The following ZBTB20 variants were observed in gnomAD, a reference collection of about 807,000 sequenced individuals.
The protein encoded by ZBTB20 is zinc finger and BTB domain-containing protein 20.
ZBTB20 carries 9 observed loss-of-function variants against 56.9 expected under a neutral mutation model. The ratio of observed to expected loss-of-function variants is 0.16; its 90% CI spans 0.10 to 0.28. The LOEUF is 0.28. Among genes scored for constraint, ZBTB20 ranks in the 10% least tolerant of loss-of-function variants. ZBTB20 has a pLI of 1.00. For missense variants in ZBTB20, 655 were observed against 1,003.0 expected (o/e 0.65, Z 4.69); for synonymous variants, 417 against 420.7 (o/e 0.99, Z 0.11).
chr3:114,640,868 T>A (rs1034116730), intron 6 of ZBTB20, among the ~76,000 whole-genome samples: 2 of 152,080 alleles, frequency 1.3e-5, no homozygotes, highest in Non-Finnish European at 2.9e-5. Context: ...TTAGGATTTC[T>A]AATTTTAGGT....
At chr3:114,910,514 G>C (rs980967795) in intron 3 of ZBTB20, among the ~76,000 whole-genome samples, 2 of 151,894 alleles carry the variant, frequency 1.3e-5, no homozygotes, top group African/African-American at 4.8e-5. Flanking sequence ...ATTTACAATG[G>C]TGAGGATTTA....
At chr3:114,987,203 C>T (rs534541222) in intron 2 of ZBTB20, among the ~76,000 whole-genome samples, 1 of 152,134 alleles carries the variant, frequency 6.6e-6, no homozygotes, top group South Asian at 2.1e-4. Context: ...AATAAAACCA[C>T]TTGAGAATCC....
At chr3:115,060,758 CA>C (rs1394625228) in intron 2 of ZBTB20, among the ~76,000 whole-genome samples, 1 of 152,046 alleles carries the variant, frequency 6.6e-6, no homozygotes, top group African/African-American at 2.4e-5. Context: ...TTGTTTACAC[CA>C]AGATACATAT....
chr3:114,991,026 A>C (rs2108150745), intron 2 of ZBTB20, among the ~76,000 whole-genome samples: 1 of 152,116 alleles, frequency 6.6e-6, no homozygotes, highest in East Asian at 1.9e-4. Context: ...CTAGCAGTCT[A>C]CCAATTTTGT....
chr3:114,696,455 C>G (rs144585672), intron 5 of ZBTB20, among the ~76,000 whole-genome samples: 1 of 152,168 alleles, frequency 6.6e-6, no homozygotes, highest in African/African-American at 2.4e-5. Flanking sequence ...ACTACCACCA[C>G]TGCTGCTACC....
intron 2 of ZBTB20, among the ~76,000 whole-genome samples, chr3:114,998,116 G>C (rs2079099434): frequency 6.6e-6 from 1 of 151,602 alleles, no homozygotes; most frequent in Non-Finnish European, 1.5e-5. Flanking sequence ...ACATGAAGTT[G>C]CAAATTAGTA....
intron 2 of ZBTB20, among the ~76,000 whole-genome samples, chr3:114,984,606 T>G (rs2078458782): frequency 6.6e-6 from 1 of 152,066 alleles, no homozygotes; most frequent in African/African-American, 2.4e-5. Flanking sequence ...CAGTGTATTC[T>G]CTCTTCTCAC....
intron 6 of ZBTB20, among the ~76,000 whole-genome samples, chr3:114,624,539 C>T (rs1391807020): frequency 6.6e-6 from 1 of 152,106 alleles, no homozygotes; most frequent in African/African-American, 2.4e-5. Flanking sequence ...ATTTCATCCC[C>T]TTGAATTCTG....
intron 6 of ZBTB20, among the ~76,000 whole-genome samples, chr3:114,680,742 A>T (rs1321601726): frequency 6.6e-6 from 1 of 152,228 alleles, no homozygotes; most frequent in Non-Finnish European, 1.5e-5. Flanking sequence ...ATTGTTTGAC[A>T]ATGATCGTTA....
intron 1 of ZBTB20, among the ~76,000 whole-genome samples, chr3:115,090,285 C>A (rs546179863): frequency 3.3e-5 from 5 of 151,482 alleles, no homozygotes; most frequent in African/African-American, 9.7e-5. Context: ...AACAAAAATC[C>A]GAAGAATATC....
chr3:114,982,285 C>A (rs2078361336), intron 2 of ZBTB20, among the ~76,000 whole-genome samples: 1 of 151,974 alleles, frequency 6.6e-6, no homozygotes, highest in African/African-American at 2.4e-5. Flanking sequence ...CCAGTCGATA[C>A]AACTTTTAAT....
chr3:115,092,167 C>T (rs1368517114), intron 1 of ZBTB20, among the ~76,000 whole-genome samples: 3 of 152,074 alleles, frequency 2.0e-5, no homozygotes, highest in Non-Finnish European at 4.4e-5. Flanking sequence ...ATTTCAAAGA[C>T]TAAAACATAT....
At chr3:114,977,552 C>T (rs938043371) in intron 2 of ZBTB20, among the ~76,000 whole-genome samples, 2 of 152,034 alleles carry the variant, frequency 1.3e-5, no homozygotes, top group Admixed American at 1.3e-4. Flanking sequence ...TTACAAGTAA[C>T]ATTTCCATGA....
At position 114,319,497 on chromosome 3, in the gene ZBTB20, T is replaced by A. The variant is rs919408757; in HGVS notation, c.*19508A>T. ...AAAAAACCAGCAAACATTAAACAAA[T>A]GATAGAGTCAGTTGGCTAGGAAAAA... is the stretch of plus-strand genomic sequence containing the variant. On this transcript the variant is annotated 3_prime_UTR_variant, in exon 12 of 12. Transcript: ENST00000675478. 3 of 152,130 alleles carry A rather than the reference T, an allele frequency of 2.0e-5. No homozygotes were observed. Among genetic ancestry groups the A allele is most frequent in the African/African-American group, 4.8e-5 (2 of 41,424 alleles). The allele number at this position is 152,130 out of a possible 1,614,324, so 9.4% of individuals were successfully genotyped here.
chr3:114,490,348 A>G (rs1356223846), intron 7 of ZBTB20, among the ~76,000 whole-genome samples: 1 of 151,658 alleles, frequency 6.6e-6, no homozygotes, highest in Non-Finnish European at 1.5e-5. Flanking sequence ...CATCCTCCCG[A>G]GTAGCTAGGA....
At chr3:114,400,642 G>A (rs2086734276) in intron 7 of ZBTB20, among the ~76,000 whole-genome samples, 1 of 152,114 alleles carries the variant, frequency 6.6e-6, no homozygotes, top group Admixed American at 6.5e-5. Flanking sequence ...AGTGAATCCT[G>A]AGCCACAACA....
At chr3:115,036,825 G>A (rs1402405835) in intron 2 of ZBTB20, among the ~76,000 whole-genome samples, 3 of 151,998 alleles carry the variant, frequency 2.0e-5, no homozygotes, top group African/African-American at 7.3e-5. Context: ...TTCTAATTTG[G>A]CCCTGAGACT....
chr3:115,067,513 C>T (rs529162875), intron 2 of ZBTB20, among the ~76,000 whole-genome samples: 1 of 145,498 alleles, frequency 6.9e-6, no homozygotes, highest in African/African-American at 2.5e-5. Context: ...TTCAACATAA[C>T]AGAAAGACAT....
intron 5 of ZBTB20, among the ~76,000 whole-genome samples, chr3:114,736,904 T>A (rs2066207203): frequency 6.6e-6 from 1 of 152,066 alleles, no homozygotes. Context: ...CTGAAAGGAG[T>A]TATGTTCCCT....
Sources: gnomAD v4.1 joint callset for allele counts (sites outside exome capture counted in the v4.1 genomes callset) on GRCh38, gnomAD v4.1.1 for gene constraint, MANE v1.5 for transcripts, NCBI Gene and HGNC (gene_info 2026-07-23, HGNC 2026-07-21) for gene names.